GABRB3: variants seen among roughly 807,000 people sequenced by gnomAD.
The protein encoded by GABRB3 is gamma-aminobutyric acid type A receptor subunit beta3.
Under a neutral mutation model 52.1 loss-of-function variants are expected in GABRB3, and 14 were observed. That is an observed-to-expected ratio of 0.27 (90% confidence interval 0.18 to 0.42). The LOEUF (loss-of-function observed/expected upper bound fraction) is 0.42. GABRB3 is among the 10% of genes least tolerant of loss of function. The pLI is 1.00. For missense variants in GABRB3, 307 were observed against 609.1 expected (o/e 0.50, Z 5.22); for synonymous variants, 260 against 232.3 (o/e 1.12, Z -1.08).
intron 3 of GABRB3, among the ~76,000 whole-genome samples, chr15:26,667,933 C>T (rs1424736561): frequency 6.6e-6 from 1 of 152,190 alleles, no homozygotes; most frequent in Non-Finnish European, 1.5e-5. Context: ...GCATTTAATG[C>T]ACTGTAGTGA....
intron 3 of GABRB3, among the ~76,000 whole-genome samples, chr15:26,697,858 C>T (rs1381165390): frequency 1.3e-5 from 2 of 152,160 alleles, no homozygotes; most frequent in Non-Finnish European, 1.5e-5. Context: ...TGTTTCTCCA[C>T]GTTCACTGTT....
chr15:26,584,271 T>C (rs1453353901), intron 4 of GABRB3, among the ~76,000 whole-genome samples: 1 of 152,184 alleles, frequency 6.6e-6, no homozygotes, highest in Non-Finnish European at 1.5e-5. Flanking sequence ...AATTTTTGTT[T>C]CTCTTCTTGT....
At chr15:26,736,138 T>C (rs1331747267) in intron 3 of GABRB3, among the ~76,000 whole-genome samples, 1 of 152,162 alleles carries the variant, frequency 6.6e-6, no homozygotes, top group East Asian at 1.9e-4. Context: ...CTGAAAAGCA[T>C]TATGGAGAAG....
In GABRB3 at chr15:26,568,373, G is replaced by A. The variant is rs1465263090; in HGVS notation, c.683-640C>T. ...TGAGTCCCAGTGTTAATTCTCGGAT[G>A]TGAACATTCCACTCAACACATTTTG... On this transcript the variant is annotated intron_variant, in intron 6 of 8. Transcript: ENST00000311550. Among the ~76,000 whole-genome samples the A allele has an allele frequency of 2.0e-5, 3 of 152,192 alleles. No individual in the cohort carries two copies. In the East Asian group the frequency reaches 5.8e-4, roughly 29 times the overall value.
intron 4 of GABRB3, among the ~76,000 whole-genome samples, chr15:26,609,208 C>T (rs187391208): frequency 1.4e-4 from 21 of 151,674 alleles, no homozygotes; most frequent in Admixed American, 1.2e-3. Context: ...AATTGGAGAA[C>T]ATTATACTAA....
At position 26,543,721 on chromosome 15, in the gene GABRB3, T is replaced by C. The variant is rs1055824233; in HGVS notation, c.*4072A>G. The C allele has an allele frequency of 1.3e-5, 2 of 152,592 alleles. No homozygotes were observed. The highest frequency in any genetic ancestry group is 2.9e-5 in the Non-Finnish European group (2 of 68,036). 9.5% of individuals were successfully genotyped at this position (152,592 alleles called of 1,614,324 possible). ...TCTTTACAATAAAATGAAATCAACA[T>C]GAGAATTGATTATGACAGCAATCGC... On this transcript the variant is annotated 3_prime_UTR_variant, in exon 9 of 9. Transcript: ENST00000311550.
At chr15:26,628,423 G>T (rs1465546952) in intron 3 of GABRB3, among the ~76,000 whole-genome samples, 1 of 152,172 alleles carries the variant, frequency 6.6e-6, no homozygotes, top group Non-Finnish European at 1.5e-5. Context: ...CAGGTTCCAA[G>T]AATTCAAAAG....
intron 3 of GABRB3, chr15:26,625,511 C>CAAA (rs1892656203): frequency 1.0e-6 from 1 of 984,834 alleles, no homozygotes; most frequent in African/African-American, 1.7e-5. Context: ...GAGAGTCTGT[C>CAAA]AGAGTTTTGA....
intron 3 of GABRB3, among the ~76,000 whole-genome samples, chr15:26,668,872 G>A (rs989341822): frequency 1.3e-5 from 2 of 152,162 alleles, no homozygotes; most frequent in African/African-American, 4.8e-5. Flanking sequence ...AAGTTTAAAT[G>A]AATGCATGGG....
At chr15:26,713,528 A>T (rs1386645429) in intron 3 of GABRB3, among the ~76,000 whole-genome samples, 2 of 152,112 alleles carry the variant, frequency 1.3e-5, no homozygotes, top group African/African-American at 4.8e-5. Context: ...TACCGGGATG[A>T]TCCAGCCTGG....
At chr15:26,588,369 C>T (rs1322472068) in intron 4 of GABRB3, among the ~76,000 whole-genome samples, 1 of 152,178 alleles carries the variant, frequency 6.6e-6, no homozygotes, top group Non-Finnish European at 1.5e-5. Context: ...CTTTAATACA[C>T]ACGTGTTTAC....
At chr15:26,748,556 T>C (rs1156618458) in intron 3 of GABRB3, among the ~76,000 whole-genome samples, 1 of 152,206 alleles carries the variant, frequency 6.6e-6, no homozygotes, top group African/African-American at 2.4e-5. Context: ...GGATGTGTGA[T>C]AGCTTCTGTT....
chr15:26,622,509 C>A (rs141373539), intron 3 of GABRB3, among the ~76,000 whole-genome samples: 1 of 152,184 alleles, frequency 6.6e-6, no homozygotes, highest in Admixed American at 6.5e-5. Flanking sequence ...AATTATCCAA[C>A]CACGGAGGGG....
chr15:26,696,010 A>T (rs1385656545), intron 3 of GABRB3, among the ~76,000 whole-genome samples: 2 of 152,252 alleles, frequency 1.3e-5, no homozygotes, highest in Non-Finnish European at 2.9e-5. Flanking sequence ...TACATGGGGA[A>T]CCATGAAACA....
intron 3 of GABRB3, among the ~76,000 whole-genome samples, chr15:26,755,107 G>A (rs921510600): frequency 1.1e-4 from 17 of 151,452 alleles, no homozygotes; most frequent in African/African-American, 3.4e-4. Flanking sequence ...TGGTTCAAGC[G>A]ATTCTCCTGC....
At chr15:26,657,050 T>C (rs1887394516) in intron 3 of GABRB3, 1 of 152,202 alleles carries the variant, frequency 6.6e-6, no homozygotes, top group Admixed American at 6.5e-5. Context: ...TTACGGTCTT[T>C]ATTATGTTCT....
chr15:26,744,499 C>T (rs779962016), intron 3 of GABRB3, among the ~76,000 whole-genome samples: 4 of 152,008 alleles, frequency 2.6e-5, no homozygotes, highest in African/African-American at 4.8e-5. Flanking sequence ...CATCTCAGCT[C>T]ACTGCAACCT....
chr15:26,556,079 T>C (rs572503989), intron 8 of GABRB3, among the ~76,000 whole-genome samples: 66 of 152,348 alleles, frequency 4.3e-4, no homozygotes, highest in African/African-American at 1.4e-3. Context: ...ATGCCCTTCA[T>C]AGAATGACAG....
At chr15:26,717,977 A>G (rs1404032664) in intron 3 of GABRB3, among the ~76,000 whole-genome samples, 1 of 152,236 alleles carries the variant, frequency 6.6e-6, no homozygotes, top group East Asian at 1.9e-4. Flanking sequence ...CAATCAGTTT[A>G]TCTCTCATTC....
Sources: allele counts gnomAD v4.1 joint callset (sites outside exome capture counted in the v4.1 genomes callset), GRCh38; gene constraint gnomAD v4.1.1; transcripts MANE v1.5; gene names NCBI Gene and HGNC (gene_info 2026-07-23, HGNC 2026-07-21).